ARHGEF4: variants seen among roughly 807,000 people sequenced by gnomAD.
The protein encoded by ARHGEF4 is Rho guanine nucleotide exchange factor 4, also known as APC-stimulated guanine nucleotide exchange factor 1.
In ARHGEF4, 119 loss-of-function variants were observed where a neutral mutation model predicts 162.0. The ratio of observed to expected loss-of-function variants is 0.73; its 90% CI spans 0.63 to 0.86. ARHGEF4 has a LOEUF of 0.86. Ranked by LOEUF, ARHGEF4 falls within the 40% of genes least tolerant of loss-of-function variation. ARHGEF4 has a pLI of 0.00. For missense variants in ARHGEF4, 2,488 were observed against 2,456.0 expected (o/e 1.01, Z -0.28); for synonymous variants, 1,014 against 979.9 (o/e 1.03, Z -0.65).
chr2:130,964,501 T>C (rs1347606812), intron 4 of ARHGEF4, among the ~76,000 whole-genome samples: 1 of 152,260 alleles, frequency 6.6e-6, no homozygotes, highest in Non-Finnish European at 1.5e-5. Context: ...CGGGACCTTG[T>C]TGGCCCCCAT....
chr2:130,977,355 T>C (rs543512655), intron 4 of ARHGEF4, among the ~76,000 whole-genome samples: 1 of 151,940 alleles, frequency 6.6e-6, no homozygotes, highest in South Asian at 2.1e-4. Context: ...GTGTAGAGTA[T>C]GGTGCCTATA....
rs368583999 is a variant in ARHGEF4, at chr2:131,005,406, A to G, written c.3986-22539A>G. Among the ~76,000 whole-genome samples, 615 of 152,252 alleles carry G rather than the reference A, an allele frequency of 4.0e-3. 8 individuals carry two copies. Among genetic ancestry groups the G allele is most frequent in the African/African-American group, 0.014 (586 of 41,562 alleles). On this transcript the variant is annotated intron_variant, in intron 4 of 13. Transcript: ENST00000409359. ...TGCCCTCCAGCAGCAGGGCCCTCCC[A>G]CAACAGCCACTCCCTGCCGTCCTCA...
intron 2 of ARHGEF4, among the ~76,000 whole-genome samples, chr2:130,930,267 T>C (rs1410659478): frequency 1.3e-5 from 2 of 152,162 alleles, no homozygotes; most frequent in Non-Finnish European, 2.9e-5. Context: ...CAGAGGTTGC[T>C]GCTACAAAGT....
At chr2:130,885,352 A>G (rs953079727) in intron 1 of ARHGEF4, among the ~76,000 whole-genome samples, 2 of 152,030 alleles carry the variant, frequency 1.3e-5, no homozygotes, top group African/African-American at 4.8e-5. Context: ...TTTTTAGCTT[A>G]GTATGTGCTG....
At chr2:130,941,519 G>A (rs1306004127) in intron 3 of ARHGEF4, among the ~76,000 whole-genome samples, 1 of 152,000 alleles carries the variant, frequency 6.6e-6, no homozygotes, top group Non-Finnish European at 1.5e-5. Context: ...TATAATTTTT[G>A]TCTCCTGAAA....
chr2:130,995,114 A>G (rs563931919), intron 4 of ARHGEF4, among the ~76,000 whole-genome samples: 3 of 152,192 alleles, frequency 2.0e-5, no homozygotes, highest in Non-Finnish European at 4.4e-5. Context: ...CTTTTCAAAC[A>G]TTGCTTCCAG....
At chr2:130,998,294 T>G (rs1290082587) in intron 4 of ARHGEF4, among the ~76,000 whole-genome samples, 1 of 152,238 alleles carries the variant, frequency 6.6e-6, no homozygotes, top group East Asian at 1.9e-4. Context: ...AGAGTGTTCC[T>G]ATAAACCCCT....
chr2:130,968,110 A>G (rs1376742270), intron 4 of ARHGEF4, among the ~76,000 whole-genome samples: 3 of 152,074 alleles, frequency 2.0e-5, no homozygotes, highest in Non-Finnish European at 4.4e-5. Flanking sequence ...CCACCCCCCA[A>G]CCATAAATCA....
intron 4 of ARHGEF4, among the ~76,000 whole-genome samples, chr2:130,960,133 G>A (rs1684544885): frequency 1.3e-5 from 2 of 152,120 alleles, no homozygotes; most frequent in South Asian, 4.2e-4. Flanking sequence ...TACAATGGTG[G>A]TCCCCTAAGA....
At chr2:130,881,472 A>G (rs1679184302) in intron 1 of ARHGEF4, among the ~76,000 whole-genome samples, 1 of 152,194 alleles carries the variant, frequency 6.6e-6, no homozygotes, top group African/African-American at 2.4e-5. Flanking sequence ...AGTGTGATCC[A>G]GGGCTCAGTA....
At chr2:130,976,674 G>A (rs1300400181) in intron 4 of ARHGEF4, among the ~76,000 whole-genome samples, 9 of 152,208 alleles carry the variant, frequency 5.9e-5, no homozygotes, top group East Asian at 5.8e-4. Context: ...AAAACTCGAC[G>A]TGTAGGATGT....
intron 1 of ARHGEF4, among the ~76,000 whole-genome samples, chr2:130,908,768 A>G (rs1203944665): frequency 4.6e-5 from 7 of 152,226 alleles, no homozygotes. Context: ...ACTGGAAGAA[A>G]CTGTTTGGAA....
chr2:130,966,061 G>T (rs1364180539), intron 4 of ARHGEF4, among the ~76,000 whole-genome samples: 2 of 152,160 alleles, frequency 1.3e-5, no homozygotes, highest in African/African-American at 4.8e-5. Context: ...CTAAGGGTAG[G>T]CTCTGGGTAT....
chr2:130,856,778 A>C (rs1406248757), intron 1 of ARHGEF4, among the ~76,000 whole-genome samples: 1 of 152,110 alleles, frequency 6.6e-6, no homozygotes, highest in African/African-American at 2.4e-5. Flanking sequence ...CGTTGTGCAC[A>C]TGTACCCTAA....
chr2:130,952,512 A>T (rs909371421), intron 4 of ARHGEF4, among the ~76,000 whole-genome samples: 1 of 152,200 alleles, frequency 6.6e-6, no homozygotes, highest in Non-Finnish European at 1.5e-5. Context: ...CAAGATAGGG[A>T]TGCCCTATCT....
At chr2:130,970,603 AAAAAAG>A (rs1685296609) in intron 4 of ARHGEF4, among the ~76,000 whole-genome samples, 1 of 151,678 alleles carries the variant, frequency 6.6e-6, no homozygotes, top group Admixed American at 6.6e-5. Context: ...AAAAAAAAAA[AAAAAAG>A]AAAAGCCATC....
rs79587183 is a variant in ARHGEF4 at position 130,942,921 on chromosome 2, T to C, written c.3859-3588T>C. Among the ~76,000 whole-genome samples the C allele has an allele frequency of 3.6e-3, 550 of 152,320 alleles. 5 individuals carry two copies. Among genetic ancestry groups the C allele is most frequent in the East Asian group, 0.02 (104 of 5,188 alleles). ...TTGAAAATAATGGGTATTCTGCTAT[T>C]GTTGGATGGCTATTCTACAAATGTC... On this transcript the variant is annotated intron_variant, in intron 3 of 13. Coordinates refer to ENST00000409359, the MANE Select transcript of ARHGEF4 (RefSeq NM_001367493.1).
At chr2:130,849,431 T>A (rs2104878027) in intron 1 of ARHGEF4, among the ~76,000 whole-genome samples, 1 of 152,238 alleles carries the variant, frequency 6.6e-6, no homozygotes, top group South Asian at 2.1e-4. Context: ...TGAGGTGGGA[T>A]GGCAGCCATT....
At chr2:130,874,127 G>A (rs1678673836) in intron 1 of ARHGEF4, among the ~76,000 whole-genome samples, 1 of 152,116 alleles carries the variant, frequency 6.6e-6, no homozygotes, top group Non-Finnish European at 1.5e-5. Context: ...CAACTGTTCT[G>A]CCCCAGCGAC....
Sources: gnomAD v4.1 joint callset for allele counts (sites outside exome capture counted in the v4.1 genomes callset) on GRCh38, gnomAD v4.1.1 for gene constraint, MANE v1.5 for transcripts, NCBI Gene and HGNC (gene_info 2026-07-23, HGNC 2026-07-21) for gene names.